Variants in COL21A1 observed in about 807,000 individuals in gnomAD.
The protein encoded by COL21A1 is collagen type XXI alpha 1 chain, also known as collagen alpha-1(XXI) chain.
In COL21A1, 149 loss-of-function variants were observed where a neutral mutation model predicts 137.9. The observed-to-expected ratio is 1.08, with a 90% CI of 0.95 to 1.24. The LOEUF is 1.24. Among genes scored for constraint, COL21A1 ranks in the 50% most tolerant of loss-of-function variants. COL21A1 has a pLI of 0.00. For synonymous variants in COL21A1, 456 were observed against 391.5 expected, an observed-to-expected ratio of 1.16 and a Z score of -1.95; for missense variants, 1,167 against 1,158.4, an observed-to-expected ratio of 1.01 and a Z score of -0.11.
intron 3 of COL21A1, among the ~76,000 whole-genome samples, chr6:56,172,238 G>A (rs573400912): frequency 1.7e-4 from 26 of 152,108 alleles, no homozygotes; most frequent in Admixed American, 1.2e-3. Flanking sequence ...TAATCTAATC[G>A]TCAAAAGTTA....
intron 12 of COL21A1, among the ~76,000 whole-genome samples, chr6:56,128,042 A>G (rs1350939903): frequency 6.6e-6 from 1 of 152,156 alleles, no homozygotes; most frequent in Non-Finnish European, 1.5e-5. Context: ...AGGGGTGGAC[A>G]CACAATTGTG....
chr6:56,354,605 G>A (rs1264249082), intron 1 of COL21A1, among the ~76,000 whole-genome samples: 1 of 152,126 alleles, frequency 6.6e-6, no homozygotes, highest in Non-Finnish European at 1.5e-5. Flanking sequence ...ACAATGGCTG[G>A]GCATGGCGGC....
intron 12 of COL21A1, among the ~76,000 whole-genome samples, chr6:56,137,860 G>T (rs1774114190): frequency 6.6e-6 from 1 of 152,118 alleles, no homozygotes; most frequent in Non-Finnish European, 1.5e-5. Flanking sequence ...AAGAAAAAAG[G>T]TTGAAAGATC....
intron 1 of COL21A1, among the ~76,000 whole-genome samples, chr6:56,326,464 A>G (rs1376025059): frequency 6.6e-6 from 1 of 151,862 alleles, no homozygotes; most frequent in Admixed American, 6.6e-5. Context: ...TAGCATACCC[A>G]TTGTTTCTGT....
chr6:56,390,661 T>C (rs2094027709), intron 1 of COL21A1, among the ~76,000 whole-genome samples: 1 of 151,842 alleles, frequency 6.6e-6, no homozygotes, highest in South Asian at 2.1e-4. Context: ...CCTACACTTG[T>C]ACTGTCAGAT....
At chr6:56,309,769 A>C (rs1182648548) in intron 1 of COL21A1, among the ~76,000 whole-genome samples, 1 of 152,238 alleles carries the variant, frequency 6.6e-6, no homozygotes, top group Non-Finnish European at 1.5e-5. Flanking sequence ...AGAACATATA[A>C]GCCTATAAAT....
intron 1 of COL21A1, among the ~76,000 whole-genome samples, chr6:56,223,115 C>T (rs557762136): frequency 8.6e-5 from 13 of 151,732 alleles, no homozygotes; most frequent in African/African-American, 2.4e-4. Context: ...TGGGATAAAC[C>T]GTGTTCTTCC....
chr6:56,376,071 G>A (rs2093998663), intron 1 of COL21A1, among the ~76,000 whole-genome samples: 1 of 152,182 alleles, frequency 6.6e-6, no homozygotes, highest in Non-Finnish European at 1.5e-5. Context: ...TGGGTAAAAG[G>A]AAGACTCGCT....
chr6:56,179,018 A>C (rs897354389), intron 3 of COL21A1, among the ~76,000 whole-genome samples: 1 of 138,440 alleles, frequency 7.2e-6, no homozygotes, highest in Non-Finnish European at 1.6e-5. Context: ...AACAGGAAAA[A>C]TTTAAAATAA....
chr6:56,215,691 A>G (rs114006482), intron 1 of COL21A1, among the ~76,000 whole-genome samples: 141 of 152,198 alleles, frequency 9.3e-4, no homozygotes, highest in African/African-American at 3.2e-3. Context: ...AAAATGGCAT[A>G]AAAGCACTTT....
chr6:56,182,781 TA>T, intron 1 of COL21A1, 125 bp from the exon 2 acceptor site: 1 of 567,362 alleles, frequency 1.8e-6, no homozygotes, highest in Non-Finnish European at 3.1e-6. Flanking sequence ...AGAATTAACT[TA>T]AATCTGTTTA....
chr6:56,192,550 A>G (rs887042134), intron 1 of COL21A1, among the ~76,000 whole-genome samples: 10 of 152,218 alleles, frequency 6.6e-5, no homozygotes, highest in Admixed American at 6.5e-4. Context: ...ATTTCTCAAA[A>G]GAAGACATTT....
At chr6:56,245,323 A>T (rs1404328441) in intron 1 of COL21A1, among the ~76,000 whole-genome samples, 1 of 152,180 alleles carries the variant, frequency 6.6e-6, no homozygotes, top group African/African-American at 2.4e-5. Flanking sequence ...ACAGTGACTT[A>T]AAAAAACCTA....
chr6:56,100,690 T>C (rs1224512770), intron 17 of COL21A1, among the ~76,000 whole-genome samples: 6 of 152,162 alleles, frequency 3.9e-5, no homozygotes, highest in Non-Finnish European at 7.4e-5. Flanking sequence ...TACATAATCA[T>C]ACACAAGATG....
At chr6:56,105,941 C>T (rs745547967) in intron 16 of COL21A1, among the ~76,000 whole-genome samples, 1 of 152,182 alleles carries the variant, frequency 6.6e-6, no homozygotes, top group African/African-American at 2.4e-5. Context: ...TCTGCATCCA[C>T]CATACTGGTT....
chr6:56,071,393 A>C (rs1195645005), intron 20 of COL21A1, among the ~76,000 whole-genome samples: 1 of 151,614 alleles, frequency 6.6e-6, no homozygotes. Flanking sequence ...AGAAAGAGAA[A>C]ACAAGTCTTC....
intron 3 of COL21A1, among the ~76,000 whole-genome samples, chr6:56,177,139 G>A (rs1473814421): frequency 6.6e-6 from 1 of 152,042 alleles, no homozygotes; most frequent in African/African-American, 2.4e-5. Context: ...AGTAGTAGCT[G>A]CAGCAGCAGC....
rs576074967 is a variant in COL21A1, at chr6:56,149,769, C to T, written c.1434+7118G>A. On this transcript the variant is annotated intron_variant, in intron 10 of 29. Transcript: ENST00000244728. Reference sequence around the variant, plus strand: ...CCCCAAATGCAAGCAGTTCTCTTTACCTCACCACTATCACTCTGACCCTAG... The same window carrying T: ...CCCCAAATGCAAGCAGTTCTCTTTATCTCACCACTATCACTCTGACCCTAG... Among the ~76,000 whole-genome samples, 4 of 152,240 alleles carry T rather than the reference C, an allele frequency of 2.6e-5. No individual in the cohort carries two copies. The South Asian group carries it at 8.3e-4, about 32-fold the overall frequency.
intron 1 of COL21A1, among the ~76,000 whole-genome samples, chr6:56,347,335 C>G (rs935739248): frequency 2.6e-5 from 4 of 151,978 alleles, no homozygotes; most frequent in Non-Finnish European, 2.9e-5. Flanking sequence ...ACCCCCTCAC[C>G]GGGATTCAAC....
Sources: allele counts gnomAD v4.1 joint callset (sites outside exome capture counted in the v4.1 genomes callset), GRCh38; gene constraint gnomAD v4.1.1; transcripts MANE v1.5; gene names NCBI Gene and HGNC (gene_info 2026-07-23, HGNC 2026-07-21).